ADAMTS2: variants seen among roughly 807,000 people sequenced by gnomAD.
The protein encoded by ADAMTS2 is ADAM metallopeptidase with thrombospondin type 1 motif 2.
A neutral mutation model predicts 123.0 loss-of-function variants in ADAMTS2; 50 were observed. The observed-to-expected ratio is 0.41, with a 90% CI of 0.32 to 0.51. ADAMTS2 has a LOEUF of 0.51. ADAMTS2 is among the 20% of genes least tolerant of loss of function. ADAMTS2 has a pLI of 0.35. For missense variants in ADAMTS2, 1,494 were observed against 1,705.2 expected (o/e 0.88, Z 2.18); for synonymous variants, 678 against 695.4 (o/e 0.98, Z 0.39).
intron 2 of ADAMTS2, among the ~76,000 whole-genome samples, chr5:179,288,950 C>T (rs371010563): frequency 1.3e-5 from 2 of 152,260 alleles, no homozygotes; most frequent in African/African-American, 4.8e-5. Context: ...AGCACAGCCC[C>T]GCCCTCCGGC....
At chr5:179,250,725 G>A (rs1176558444) in intron 3 of ADAMTS2, among the ~76,000 whole-genome samples, 7 of 152,314 alleles carry the variant, frequency 4.6e-5, no homozygotes, top group East Asian at 1.9e-4. Context: ...TTGGTCATGC[G>A]GTAACCAAGA....
Position 179,115,480 on chromosome 5 carries a change from T to C in ADAMTS2, c.3179-1156A>G, listed in dbSNP as rs1425107671. On this transcript the variant is annotated intron_variant, in intron 21 of 21. Transcript: ENST00000251582. This position sits in a 1 kb window ranked among gnomAD's most constrained non-coding sequence, Gnocchi z 4.4. ...GCCCAACACCGCCTGTTGTGGTCTC[T>C]GCTCAGCTGCTCTCTACTCTCCACA... 1.3e-5 allele frequency among the ~76,000 whole-genome samples: 2 copies of C among 152,166 alleles called. No homozygotes were observed. The highest frequency in any genetic ancestry group is 6.5e-5 in the Admixed American group (1 of 15,272).
At chr5:179,176,215 G>A (rs1763927144) in intron 5 of ADAMTS2, among the ~76,000 whole-genome samples, 1 of 152,118 alleles carries the variant, frequency 6.6e-6, no homozygotes, top group Middle Eastern at 3.2e-3. Context: ...TGGGGATCTG[G>A]AAAAGGAGGA....
intron 3 of ADAMTS2, among the ~76,000 whole-genome samples, chr5:179,251,934 C>T (rs966700481): frequency 6.6e-6 from 1 of 151,814 alleles, no homozygotes; most frequent in Non-Finnish European, 1.5e-5. Context: ...ACACTGACCC[C>T]GAATCTTCCT....
At chr5:179,224,450 G>C (rs1306164739) in intron 3 of ADAMTS2, among the ~76,000 whole-genome samples, 1 of 152,232 alleles carries the variant, frequency 6.6e-6, no homozygotes, top group Non-Finnish European at 1.5e-5. Context: ...TTGTTCACAT[G>C]TTGAACAGAG....
At chr5:179,223,614 T>G (rs1482753390) in intron 3 of ADAMTS2, among the ~76,000 whole-genome samples, 1 of 139,256 alleles carries the variant, frequency 7.2e-6, no homozygotes, top group African/African-American at 2.7e-5. Context: ...ACTCGCATAC[T>G]CACATGCACA....
rs1766271783 is a variant in ADAMTS2 at position 179,262,986 on chromosome 5, T to G, written c.688+9925A>C. On this transcript the variant is annotated intron_variant, in intron 3 of 21. Transcript: ENST00000251582. This position sits in a 1 kb window ranked among gnomAD's most constrained non-coding sequence, Gnocchi z 5.9. ...TAAGCAGTAGAGCTGCTAATGCTATTATTCCCCCATGATTTGGGGAGCAGT... is the reference window on the plus strand; with the variant it reads ...TAAGCAGTAGAGCTGCTAATGCTATGATTCCCCCATGATTTGGGGAGCAGT... Among the ~76,000 whole-genome samples, 1 of 145,222 alleles carries G rather than the reference T, an allele frequency of 6.9e-6. No homozygotes were observed. The highest frequency in any genetic ancestry group is 1.5e-5 in the Non-Finnish European group (1 of 66,734).
At chr5:179,135,530 C>T (rs1220596763) in intron 13 of ADAMTS2, among the ~76,000 whole-genome samples, 1 of 152,256 alleles carries the variant, frequency 6.6e-6, no homozygotes, top group East Asian at 1.9e-4. Flanking sequence ...CAAGAAGCTG[C>T]CCAGTGCCCT....
At chr5:179,236,458 G>T (rs902741903) in intron 3 of ADAMTS2, among the ~76,000 whole-genome samples, 3 of 152,168 alleles carry the variant, frequency 2.0e-5, no homozygotes, top group African/African-American at 7.2e-5. Flanking sequence ...CTTAAGGTGG[G>T]GAACAAGAAT....
intron 3 of ADAMTS2, among the ~76,000 whole-genome samples, chr5:179,215,601 A>G (rs1288064707): frequency 1.3e-5 from 2 of 152,214 alleles, no homozygotes; most frequent in Non-Finnish European, 2.9e-5. Flanking sequence ...AAAAAAATTT[A>G]AAGTCACAAG....
intron 3 of ADAMTS2, among the ~76,000 whole-genome samples, chr5:179,211,273 C>T (rs770680026): frequency 2.0e-5 from 3 of 152,214 alleles, no homozygotes; most frequent in African/African-American, 7.2e-5. Flanking sequence ...GAGTGATCAG[C>T]GCACCCATCT....
At chr5:179,299,495 C>CAGA (rs1756446622) in intron 2 of ADAMTS2, among the ~76,000 whole-genome samples, 3 of 145,800 alleles carry the variant, frequency 2.1e-5, no homozygotes, top group African/African-American at 5.1e-5. Context: ...CACCACAGCA[C>CAGA]TCCAGCCTGG....
At chr5:179,183,545 T>C (rs1764098232) in intron 4 of ADAMTS2, among the ~76,000 whole-genome samples, 3 of 152,188 alleles carry the variant, frequency 2.0e-5, no homozygotes, top group Admixed American at 2.0e-4. Flanking sequence ...AGGGCCCAAC[T>C]GGTGGCCCAG....
chr5:179,280,335 C>T lies in ADAMTS2; in HGVS notation c.535-7271G>A, dbSNP rs542365277. On this transcript the variant is annotated intron_variant, in intron 2 of 21. Transcript: ENST00000251582. Reference sequence around the variant, plus strand: ...GCAGGCAGGGAGAGTAAGCACTGGACGCTGAGCCAGGGGCCCTGGTTTCCA... The same window carrying T: ...GCAGGCAGGGAGAGTAAGCACTGGATGCTGAGCCAGGGGCCCTGGTTTCCA... Among the ~76,000 whole-genome samples, 55 of 152,284 alleles carry T rather than the reference C, an allele frequency of 3.6e-4. 1 individual carries two copies. The highest frequency in any genetic ancestry group is 2.1e-4 in the Non-Finnish European group (14 of 68,022).
intron 5 of ADAMTS2, among the ~76,000 whole-genome samples, chr5:179,164,404 G>A (rs1763657031): frequency 6.6e-6 from 1 of 152,224 alleles, no homozygotes; most frequent in African/African-American, 2.4e-5. Flanking sequence ...TGAGATGCAT[G>A]CAGGTGTGGC....
intron 3 of ADAMTS2, among the ~76,000 whole-genome samples, chr5:179,264,834 G>A (rs1451450055): frequency 6.6e-6 from 1 of 152,176 alleles, no homozygotes; most frequent in Non-Finnish European, 1.5e-5. Flanking sequence ...GGCTGGGTGA[G>A]CTGCTCTGGG....
intron 4 of ADAMTS2, among the ~76,000 whole-genome samples, chr5:179,196,928 G>A (rs866966444): frequency 6.6e-6 from 1 of 152,244 alleles, no homozygotes; most frequent in Non-Finnish European, 1.5e-5. Context: ...TGAAGGGCCA[G>A]GTGGCCCTGG....
intron 3 of ADAMTS2, among the ~76,000 whole-genome samples, chr5:179,223,903 GCCCTTGAC>G (rs1212303358): frequency 1.3e-5 from 2 of 152,262 alleles, no homozygotes; most frequent in Admixed American, 1.3e-4. Context: ...GACTGAGGTG[GCCCTTGAC>G]CCCTCTCTAA....
chr5:179,121,536 C>A, intron 21 of ADAMTS2, 125 bp downstream of exon 21: 1 of 755,118 alleles, frequency 1.3e-6, no homozygotes, highest in South Asian at 2.3e-5. Context: ...ACGGTCACCC[C>A]AGAGCGCGCC....
Sources: gnomAD v4.1 joint callset for allele counts (sites outside exome capture counted in the v4.1 genomes callset) on GRCh38, gnomAD v4.1.1 for gene constraint, Gnocchi (gnomAD v3.1) non-coding constraint, MANE v1.5 for transcripts, NCBI Gene and HGNC (gene_info 2026-07-23, HGNC 2026-07-21) for gene names.